RAPGEF1: variants seen among roughly 807,000 people sequenced by gnomAD.
The protein encoded by RAPGEF1 is Rap guanine nucleotide exchange factor 1.
Under a neutral mutation model 143.3 loss-of-function variants are expected in RAPGEF1, and 33 were observed. That is an observed-to-expected ratio of 0.23 (90% confidence interval 0.17 to 0.31). The LOEUF (loss-of-function observed/expected upper bound fraction) is 0.31. Among genes scored for constraint, RAPGEF1 ranks in the 10% least tolerant of loss-of-function variants. The pLI is 1.00. For missense variants in RAPGEF1, 1,199 were observed against 1,645.4 expected (o/e 0.73, Z 4.69); for synonymous variants, 629 against 676.5 (o/e 0.93, Z 1.09).
At position 131,667,511 on chromosome 9, in the gene RAPGEF1, C is replaced by A. The variant is rs1430124623; in HGVS notation, c.62-16562G>T. ...CTCAAGAAATGTCACTGTGCAAGGT[C>A]TGGTGATGGAATGCATGGAAAAAGA... On this transcript the variant is annotated intron_variant, in intron 1 of 26. Coordinates refer to ENST00000683357, the MANE Select transcript of RAPGEF1 (RefSeq NM_001377935.1). The surrounding 1 kb of genome is among the most constrained non-coding windows in gnomAD (Gnocchi z 4.6). 6.6e-6 allele frequency among the ~76,000 whole-genome samples: 1 copy of A among 152,154 alleles called. No homozygotes were observed. The highest frequency in any genetic ancestry group is 1.5e-5 in the Non-Finnish European group (1 of 68,034).
intron 1 of RAPGEF1, among the ~76,000 whole-genome samples, chr9:131,683,844 C>T (rs1229773749): frequency 6.6e-6 from 1 of 152,212 alleles, no homozygotes; most frequent in African/African-American, 2.4e-5. Flanking sequence ...TGAAAATGCT[C>T]AGTTATGATT....
intron 10 of RAPGEF1, among the ~76,000 whole-genome samples, chr9:131,622,676 T>G (rs1961523474): frequency 6.6e-6 from 1 of 152,162 alleles, no homozygotes; most frequent in Admixed American, 6.5e-5. Flanking sequence ...AGAACTTGGT[T>G]GTAAAAGATG....
chr9:131,640,746 A>AC (rs1423571959), intron 4 of RAPGEF1, among the ~76,000 whole-genome samples: 2 of 151,546 alleles, frequency 1.3e-5, no homozygotes, highest in Non-Finnish European at 1.5e-5. Context: ...GTTTGCAAGG[A>AC]CCCCCCACTC....
chr9:131,715,679 G>C (rs1310147922), intron 1 of RAPGEF1, among the ~76,000 whole-genome samples: 1 of 151,858 alleles, frequency 6.6e-6, no homozygotes, highest in Non-Finnish European at 1.5e-5. Flanking sequence ...TCCTGGCCAA[G>C]ATGGTGAAAC....
intron 15 of RAPGEF1, among the ~76,000 whole-genome samples, chr9:131,601,671 T>C (rs1212873493): frequency 6.6e-6 from 1 of 152,136 alleles, no homozygotes; most frequent in Non-Finnish European, 1.5e-5. Context: ...TTTGGGAGGC[T>C]GATGTGGGAG....
In RAPGEF1 at chr9:131,628,598, A is replaced by C. The variant is rs1000237593; in HGVS notation, c.968T>G (p.Met323Arg). ...ACTGGAGCCACTGGTGGCTCGGCTC[A>C]TGGGGGCCACCACAGCCACTCGGGT... ...SPTRVAVVAP[M>R]SRATSGSSLP... Residue 323 changes from methionine to arginine, a missense_variant, in exon 8 of 27, where the codon ATG becomes AGG. Around this residue, in one of 6 missense-constraint regions of RAPGEF1, gnomAD observed 613 missense variants for 710.9 expected, o/e 0.86. Transcript: ENST00000683357. The surrounding 1 kb of genome is among the most constrained non-coding windows in gnomAD (Gnocchi z 5.7). The C allele has an allele frequency of 6.2e-7, 1 of 1,613,140 alleles. No individual in the cohort carries two copies. The highest frequency in any genetic ancestry group is 8.5e-7 in the Non-Finnish European group (1 of 1,179,192).
At chr9:131,737,460 G>C in intron 1 of RAPGEF1, 1 of 1,613,826 alleles carries the variant, frequency 6.2e-7, no homozygotes, top group South Asian at 1.1e-5. Flanking sequence ...CTTAGAAACT[G>C]TGCTAGGTTA....
At chr9:131,697,895 G>C (rs999249929) in intron 1 of RAPGEF1, among the ~76,000 whole-genome samples, 1 of 152,192 alleles carries the variant, frequency 6.6e-6, no homozygotes, top group African/African-American at 2.4e-5. Flanking sequence ...GAGTGTACCT[G>C]TGTCAGGGCC....
chr9:131,642,936 C>A (rs1054713541), intron 4 of RAPGEF1, among the ~76,000 whole-genome samples: 3 of 152,170 alleles, frequency 2.0e-5, no homozygotes, highest in African/African-American at 7.2e-5. Flanking sequence ...TGAATCCAGG[C>A]TCCATGTCCG....
intron 1 of RAPGEF1, among the ~76,000 whole-genome samples, chr9:131,679,382 C>A (rs1051146264): frequency 6.6e-6 from 1 of 152,264 alleles, no homozygotes; most frequent in African/African-American, 2.4e-5. Context: ...CAAAAAGGAC[C>A]TCAGGAGCCA....
intron 1 of RAPGEF1, among the ~76,000 whole-genome samples, chr9:131,711,700 A>C (rs1564192582): frequency 2.0e-5 from 3 of 152,252 alleles, no homozygotes; most frequent in African/African-American, 7.2e-5. Context: ...ACATTAGCTT[A>C]GGTGGCAGAT....
intron 17 of RAPGEF1, among the ~76,000 whole-genome samples, chr9:131,595,415 A>G (rs1398231101): frequency 6.6e-6 from 1 of 152,262 alleles, no homozygotes; most frequent in Non-Finnish European, 1.5e-5. Context: ...TGTTTTGGGA[A>G]ACGTGCTGAG....
chr9:131,632,973 G>A (rs1965347015), intron 5 of RAPGEF1, among the ~76,000 whole-genome samples: 1 of 152,172 alleles, frequency 6.6e-6, no homozygotes, highest in Admixed American at 6.5e-5. Flanking sequence ...CTCCCAAAGT[G>A]CTGGGATTAC....
At position 131,650,189 on chromosome 9, in the gene RAPGEF1, C is replaced by T; in HGVS notation, c.255G>A (p.Glu85=). The part of the protein sequence containing the change: ...PEGYPLPLDL[E]QQAVEFMSTS... ...TGGACATAAATTCTACTGCCTGCTG[C>T]TCCAGATCCAAGGGGAGAGGGTAGC... is the stretch of plus-strand genomic sequence containing the variant. Residue 85 remains glutamate, a synonymous_variant, in exon 3 of 27, where the codon GAG becomes GAA. Transcript: ENST00000683357. The surrounding 1 kb of genome is among the most constrained non-coding windows in gnomAD (Gnocchi z 4.7). The T allele has an allele frequency of 6.2e-7, 1 of 1,613,982 alleles. No homozygotes were observed. Among genetic ancestry groups the T allele is most frequent in the Non-Finnish European group, 8.5e-7 (1 of 1,179,854 alleles).
intron 14 of RAPGEF1, among the ~76,000 whole-genome samples, chr9:131,603,009 G>A (rs80215458): frequency 1.3e-5 from 2 of 152,222 alleles, no homozygotes; most frequent in South Asian, 2.1e-4. Flanking sequence ...AGGCTGAGCC[G>A]GGGGGTGCCA....
chr9:131,591,988 G>T, intron 18 of RAPGEF1, 111 bp downstream of exon 18: 1 of 787,390 alleles, frequency 1.3e-6, no homozygotes, highest in Non-Finnish European at 2.1e-6. Flanking sequence ...CAATCACACT[G>T]CCACCCAATA....
chr9:131,605,016 A>G lies in RAPGEF1; in HGVS notation c.2234T>C (p.Val745Ala), dbSNP rs1320839728. The G allele has an allele frequency of 7.3e-7, 1 of 1,360,946 alleles. No individual in the cohort carries two copies. Among genetic ancestry groups the G allele is most frequent in the African/African-American group, 1.5e-5 (1 of 67,776 alleles). 84.3% of individuals were successfully genotyped at this position (1,360,946 alleles called of 1,614,324 possible). A position where few individuals can be genotyped will look rare whatever the true frequency, so the allele number is the denominator to read the frequency against. The change falls in exon 13 of 27, where the codon GTG becomes GCG. Residue 745 changes from valine (V) to alanine (A), a missense_variant. Coordinates refer to ENST00000683357, the MANE Select transcript of RAPGEF1 (RefSeq NM_001377935.1). ...PTMAGPPPST[V>A]DGPLSASQES... ...CTGAGAAGCCGAGAGAGGCCCGTCC[A>G]CGGTGCTGGGAGGTGGACCGGCCAT... is the stretch of plus-strand genomic sequence containing the variant.
chr9:131,712,743 C>T (rs542666587), intron 1 of RAPGEF1, among the ~76,000 whole-genome samples: 1 of 152,224 alleles, frequency 6.6e-6, no homozygotes, highest in South Asian at 2.1e-4. Flanking sequence ...TACTGATGAA[C>T]CTTTAGAATG....
At chr9:131,591,981 T>A in intron 18 of RAPGEF1, 118 bp downstream of exon 18, 1 of 740,908 alleles carries the variant, frequency 1.3e-6, no homozygotes. Flanking sequence ...CCTACTTCAA[T>A]CACACTGCCA....
Sources: allele counts gnomAD v4.1 joint callset (sites outside exome capture counted in the v4.1 genomes callset), GRCh38; gene constraint gnomAD v4.1.1; regional missense constraint gnomAD v4.1.1; non-coding constraint Gnocchi (gnomAD v3.1); transcripts MANE v1.5; gene names NCBI Gene and HGNC (gene_info 2026-07-23, HGNC 2026-07-21).